Variants in GPAM observed in about 807,000 individuals in gnomAD.
GPAM encodes the protein glycerol-3-phosphate acyltransferase, mitochondrial, also known as glycerol-3-phosphate acyltransferase 1, mitochondrial.
GPAM carries 56 observed loss-of-function variants against 105.0 expected under a neutral mutation model. That is an observed-to-expected ratio of 0.53 (90% CI 0.43 to 0.67). The LOEUF is 0.67. Among genes scored for constraint, GPAM ranks in the 30% least tolerant of loss-of-function variants. The pLI is 0.00. For synonymous variants in GPAM, 368 were observed against 354.4 expected (o/e 1.04, Z -0.43); for missense variants, 855 against 989.8 (o/e 0.86, Z 1.83).
chr10:112,152,778 A>G lies in GPAM; in HGVS notation c.*772T>C, dbSNP rs374009875. On this transcript the variant is annotated 3_prime_UTR_variant, in exon 22 of 22. Coordinates refer to ENST00000348367, the MANE Select transcript of GPAM (RefSeq NM_001244949.2). ...ATATTTGCTGGTCATTTGAAACTCA[A>G]TGGCACTTGTTTATATGAGCAAAAG... 13 of 772,850 alleles carry G rather than the reference A, an allele frequency of 1.7e-5. No homozygotes were observed. The highest frequency in any genetic ancestry group is 2.5e-4 in the East Asian group (2 of 7,852). The allele number at this position is 772,850 out of a possible 1,614,324, so 47.9% of individuals were successfully genotyped here.
At chr10:112,200,291 T>C (rs560772000) in intron 1 of GPAM, among the ~76,000 whole-genome samples, 2 of 149,704 alleles carry the variant, frequency 1.3e-5, no homozygotes, top group East Asian at 2.0e-4. Flanking sequence ...TCAACAACTA[T>C]ACTGTTGATC....
chr10:112,157,810 A>G (rs1267301948), intron 18 of GPAM, among the ~76,000 whole-genome samples: 2 of 152,244 alleles, frequency 1.3e-5, no homozygotes, highest in East Asian at 1.9e-4. Flanking sequence ...AAGTCAGGAT[A>G]TGTTTTAGAC....
At chr10:112,201,569 C>T (rs554127808) in intron 1 of GPAM, among the ~76,000 whole-genome samples, 1 of 152,310 alleles carries the variant, frequency 6.6e-6, no homozygotes, top group East Asian at 1.9e-4. Context: ...TGGTTATGGT[C>T]CCTTCTCCCA....
chr10:112,194,991 C>T lies in GPAM; in HGVS notation n.211-12100G>A, dbSNP rs117761153. Among the ~76,000 whole-genome samples the T allele has an allele frequency of 1.1e-3, 166 of 152,310 alleles. 3 individuals carry two copies. In the East Asian group the frequency reaches 0.025, roughly 23 times the overall value. ...TTATCTCCCTCTCCACCTGCACTAT[C>T]CTAATCCAAAATATCACCATCTTCA... On this transcript the variant is annotated intron_variant and non_coding_transcript_variant, in intron 1 of 3. Coordinates refer to the GPAM transcript ENST00000480130.
At chr10:112,209,897 A>T (rs1847892293) in intron 1 of GPAM, among the ~76,000 whole-genome samples, 1 of 152,172 alleles carries the variant, frequency 6.6e-6, no homozygotes, top group South Asian at 2.1e-4. Context: ...ACACAGCTAC[A>T]CTTCCCGCCA....
chr10:112,223,534 G>T, the GPAM span, among the ~76,000 whole-genome samples: 1 of 152,332 alleles, frequency 6.6e-6, no homozygotes, highest in South Asian at 2.1e-4. Context: ...CCTATACAGT[G>T]ATACCTGGCC....
In GPAM at chr10:112,160,997, A is replaced by G. The variant is rs1429732908; in HGVS notation, c.1495-129T>C. 6.4e-6 allele frequency: 5 copies of G among 776,630 alleles called. No homozygotes were observed. The African/African-American group carries it at 6.9e-5, about 11-fold the overall frequency. 48.1% of individuals were successfully genotyped at this position (776,630 alleles called of 1,614,324 possible). A position where few individuals can be genotyped will look rare whatever the true frequency, so the allele number is the denominator to read the frequency against. Reference sequence around the variant, plus strand: ...GCTCACTGCTAGCACATAGAGAAGTAGGGCCAGAACACCAATGCAGAGCGA... The same window carrying G: ...GCTCACTGCTAGCACATAGAGAAGTGGGGCCAGAACACCAATGCAGAGCGA... On this transcript the variant is annotated intron_variant, in intron 15 of 21. Coordinates refer to ENST00000348367, the MANE Select transcript of GPAM (RefSeq NM_001244949.2).
At chr10:112,171,996 G>A (rs753926497) in intron 9 of GPAM, among the ~76,000 whole-genome samples, 186 bp downstream of exon 9, 19 of 152,182 alleles carry the variant, frequency 1.2e-4, no homozygotes, top group South Asian at 8.3e-4. Context: ...TATAAATAAT[G>A]ATGATAGTCT....
rs148988060 is a variant in GPAM, at chr10:112,172,877, A to T, written c.657+93T>A. ...AAATCTTCCAAATGGGTTGAAATAC[A>T]TCACAGTACACAAGAAAACATTTCC... On this transcript the variant is annotated intron_variant, in intron 8 of 21. Transcript: ENST00000348367. 161 of 779,000 alleles carry T rather than the reference A, an allele frequency of 2.1e-4. No individual in the cohort carries two copies. The African/African-American group carries it at 2.4e-3, about 12-fold the overall frequency. The allele number at this position is 779,000 out of a possible 1,614,324, so 48.3% of individuals were successfully genotyped here. A position where few individuals can be genotyped will look rare whatever the true frequency, so the allele number is the denominator to read the frequency against.
rs988414650 is a variant in GPAM at position 112,160,012 on chromosome 10, C to A, written c.1801G>T (p.Gly601Cys). 1 of 1,612,826 alleles carries A rather than the reference C, an allele frequency of 6.2e-7. No individual in the cohort carries two copies. The highest frequency in any genetic ancestry group is 1.3e-5 in the African/African-American group (1 of 74,860). Residue 601 changes from glycine (G) to cysteine (C), a missense_variant, in exon 17 of 22, where the codon GGT becomes TGT. Physicochemically the swap from Gly to Cys is radical, Grantham distance 159. Transcript: ENST00000348367. ...YAVLNKRGLG[G>C]PTSTPPNLIS... is the part of the protein sequence containing the mutation. The stretch of plus-strand genomic sequence containing the variant: ...AGGTTAGGTGGGGTGCTAGTGGGAC[C>A]CCCCAGTCCCCTCTTGTTCAGAACT...
At chr10:112,184,114 A>C (rs931219942), upstream of GPAM, among the ~76,000 whole-genome samples, 1 of 152,158 alleles carries the variant, frequency 6.6e-6, no homozygotes, top group African/African-American at 2.4e-5. Flanking sequence ...CTGTAAGACT[A>C]TGTAGGATTT....
intron 1 of GPAM, 43 bp downstream of exon 1, chr10:112,183,650 C>T (rs947800891): frequency 6.5e-6 from 1 of 152,784 alleles, no homozygotes; most frequent in African/African-American, 2.4e-5. Context: ...GCTCCCGGCC[C>T]GAGTAGCCTC....
intron 9 of GPAM, among the ~76,000 whole-genome samples, chr10:112,171,336 C>T (rs1376055807): frequency 1.3e-5 from 2 of 152,060 alleles, no homozygotes; most frequent in African/African-American, 4.8e-5. Context: ...AAATCTATGC[C>T]CTCCTGTCCA....
At chr10:112,183,526 C>G (rs1475346553) in intron 1 of GPAM, 167 bp downstream of exon 1, 1 of 152,352 alleles carries the variant, frequency 6.6e-6, no homozygotes, top group Non-Finnish European at 1.5e-5. Flanking sequence ...CACCCCTGCA[C>G]GAGCCCGACC....
At chr10:112,159,853 G>A (rs1045366402) in intron 17 of GPAM, 58 bp downstream of exon 17, 22 of 1,558,668 alleles carry the variant, frequency 1.4e-5, no homozygotes, top group South Asian at 1.1e-4. Flanking sequence ...GGGGGGTTAC[G>A]TTTTCATGAA....
intron 1 of GPAM, among the ~76,000 whole-genome samples, chr10:112,214,076 C>A (rs1319061684): frequency 1.3e-5 from 2 of 152,134 alleles, no homozygotes; most frequent in Non-Finnish European, 2.9e-5. Context: ...TCCCTGAGGA[C>A]CACAGCAGTC....
chr10:112,188,185 G>A (rs1482699206), upstream of GPAM, among the ~76,000 whole-genome samples: 1 of 151,980 alleles, frequency 6.6e-6, no homozygotes, highest in African/African-American at 2.4e-5. Flanking sequence ...ATAAAGGGCA[G>A]ATATCAACGA....
chr10:112,153,095 G>C lies in GPAM; in HGVS notation c.*455C>G, dbSNP rs1846949111. 9.9e-7 allele frequency: 1 copy of C among 1,005,674 alleles called. No homozygotes were observed. Among genetic ancestry groups the C allele is most frequent in the Admixed American group, 5.1e-5 (1 of 19,426 alleles). 62.3% of individuals were successfully genotyped at this position (1,005,674 alleles called of 1,614,324 possible). A position where few individuals can be genotyped will look rare whatever the true frequency, so the allele number is the denominator to read the frequency against. The stretch of plus-strand genomic sequence containing the variant: ...TAAAACTGAAAAAGAGTGAATGGAT[G>C]ACTCAATTATTTTTAAAGGAAGCAT... On this transcript the variant is annotated 3_prime_UTR_variant, in exon 22 of 22. Coordinates refer to ENST00000348367, the MANE Select transcript of GPAM (RefSeq NM_001244949.2).
intron 1 of GPAM, among the ~76,000 whole-genome samples, chr10:112,192,535 G>A (rs184906119): frequency 2.0e-5 from 3 of 152,286 alleles, no homozygotes; most frequent in Admixed American, 1.3e-4. Flanking sequence ...GCCTGGCCAA[G>A]ACAGGAGCCC....
Sources: allele counts gnomAD v4.1 joint callset (sites outside exome capture counted in the v4.1 genomes callset), GRCh38; gene constraint gnomAD v4.1.1; transcripts MANE v1.5; gene names NCBI Gene and HGNC (gene_info 2026-07-23, HGNC 2026-07-21).